EPB41L4B: variants seen among roughly 807,000 people sequenced by gnomAD.
The protein encoded by EPB41L4B is erythrocyte membrane protein band 4.1 like 4B.
Under a neutral mutation model 112.5 loss-of-function variants are expected in EPB41L4B, and 30 were observed. The ratio of observed to expected loss-of-function variants is 0.27; its 90% CI spans 0.20 to 0.36. The LOEUF (loss-of-function observed/expected upper bound fraction) is 0.36, where lower values mean the gene tolerates loss of function less well. EPB41L4B is among the 10% of genes least tolerant of loss of function. The pLI, the probability that EPB41L4B is intolerant of heterozygous loss-of-function variation, is 1.00. For missense variants in EPB41L4B, 1,024 were observed against 1,133.3 expected, an observed-to-expected ratio of 0.90 and a Z score of 1.38; for synonymous variants, 408 against 439.7, an observed-to-expected ratio of 0.93 and a Z score of 0.90.
At position 109,241,651 on chromosome 9, in the gene EPB41L4B, G is replaced by A. The variant is rs977136400; in HGVS notation, c.1409+1967C>T. The A allele has an allele frequency of 2.0e-5, 33 of 1,613,730 alleles. No homozygotes were observed. In the East Asian group the frequency reaches 7.4e-4, roughly 36 times the overall value. On this transcript the variant is annotated intron_variant, in intron 15 of 25. Transcript: ENST00000374566. ...CTATGAAGGTGAATGGAAGAGAGAT[G>A]CTTCAGTCTCTCAAAGTGCAGTCAT...
intron 6 of EPB41L4B, among the ~76,000 whole-genome samples, chr9:109,259,370 TGGAA>T (rs1323611832): frequency 6.6e-6 from 1 of 152,234 alleles, no homozygotes; most frequent in Non-Finnish European, 1.5e-5. Context: ...TCCCTAGGTC[TGGAA>T]CCCGGCCTAA....
intron 22 of EPB41L4B, among the ~76,000 whole-genome samples, chr9:109,187,660 C>T (rs1832317790): frequency 6.6e-6 from 1 of 152,164 alleles, no homozygotes; most frequent in Non-Finnish European, 1.5e-5. Flanking sequence ...GGACCCAGGC[C>T]ACTGGGTCTT....
chr9:109,295,596 C>A (rs1430381318), intron 1 of EPB41L4B, among the ~76,000 whole-genome samples: 2 of 152,112 alleles, frequency 1.3e-5, no homozygotes, highest in Non-Finnish European at 2.9e-5. Flanking sequence ...GCAGTCACTG[C>A]AAAACCAGAA....
chr9:109,255,025 A>G (rs1834927121), intron 11 of EPB41L4B, among the ~76,000 whole-genome samples: 1 of 152,140 alleles, frequency 6.6e-6, no homozygotes, highest in South Asian at 2.1e-4. Flanking sequence ...TGGTTTCCTT[A>G]TCTGTAAAAT....
chr9:109,244,468 C>CTTT (rs1564289998), intron 14 of EPB41L4B, among the ~76,000 whole-genome samples: 9 of 94,342 alleles, frequency 9.5e-5, no homozygotes, highest in Non-Finnish European at 1.8e-4. Flanking sequence ...TTTTTTTTTA[C>CTTT]AGAGTCTCAC....
At chr9:109,228,692 C>T (rs2118896790) in intron 15 of EPB41L4B, among the ~76,000 whole-genome samples, 1 of 152,328 alleles carries the variant, frequency 6.6e-6, no homozygotes, top group Non-Finnish European at 1.5e-5. Context: ...GTCTCACATA[C>T]CATCCTCAAA....
At chr9:109,318,708 C>T (rs1315812336) in intron 1 of EPB41L4B, among the ~76,000 whole-genome samples, 1 of 152,140 alleles carries the variant, frequency 6.6e-6, no homozygotes, top group Non-Finnish European at 1.5e-5. Context: ...TGTTGGGGAA[C>T]AGTAACATTT....
rs570800268 is a variant in EPB41L4B at position 109,258,173 on chromosome 9, G to A, written c.752+4C>T. ...CAGAATGCTAGACGGTTGCATCAAG[G>A]TACCTGCACTCTTTCCATCTCTGGA... On this transcript the variant is annotated splice_donor_region_variant and intron_variant, in intron 7 of 25. Transcript: ENST00000374566. The A allele has an allele frequency of 3.7e-6, 6 of 1,612,040 alleles. No homozygotes were observed. In the Admixed American group the frequency reaches 5.0e-5, roughly 13 times the overall value.
intron 20 of EPB41L4B, among the ~76,000 whole-genome samples, chr9:109,195,937 A>C (rs554043934): frequency 1.1e-3 from 164 of 152,294 alleles, no homozygotes; most frequent in Admixed American, 2.2e-3. Context: ...TTTCTAAGGT[A>C]AATTCATGAT....
intron 6 of EPB41L4B, among the ~76,000 whole-genome samples, chr9:109,260,436 A>G (rs1308863749): frequency 4.1e-5 from 5 of 122,548 alleles, no homozygotes; most frequent in Non-Finnish European, 6.5e-5. Flanking sequence ...TTTTTTTGAG[A>G]CAGAGTCTCG....
At chr9:109,227,212 A>C (rs1415008682) in intron 15 of EPB41L4B, among the ~76,000 whole-genome samples, 2 of 152,108 alleles carry the variant, frequency 1.3e-5, no homozygotes, top group Non-Finnish European at 2.9e-5. Context: ...TAATATATAC[A>C]TGCATATGTG....
At chr9:109,204,769 T>C (rs1046002995) in intron 18 of EPB41L4B, among the ~76,000 whole-genome samples, 3 of 152,196 alleles carry the variant, frequency 2.0e-5, no homozygotes, top group African/African-American at 7.2e-5. Flanking sequence ...AATTCTGGGA[T>C]TACAGGCATG....
At chr9:109,216,667 A>T (rs1833381427) in intron 16 of EPB41L4B, among the ~76,000 whole-genome samples, 1 of 151,698 alleles carries the variant, frequency 6.6e-6, no homozygotes, top group Non-Finnish European at 1.5e-5. Flanking sequence ...AAAAAAGAAA[A>T]GAAAAAAAGA....
intron 1 of EPB41L4B, among the ~76,000 whole-genome samples, chr9:109,292,980 C>T (rs191401172): frequency 2.7e-4 from 41 of 152,312 alleles, no homozygotes; most frequent in African/African-American, 9.9e-4. Context: ...CAATCCCTTC[C>T]AAGGTACCAG....
At chr9:109,315,888 C>T (rs1336791545) in intron 1 of EPB41L4B, among the ~76,000 whole-genome samples, 2 of 152,048 alleles carry the variant, frequency 1.3e-5, no homozygotes, top group African/African-American at 4.8e-5. Context: ...TTCCAATTTC[C>T]ACTAAAGAAG....
At chr9:109,307,465 T>G (rs1468313949) in intron 1 of EPB41L4B, among the ~76,000 whole-genome samples, 1 of 152,196 alleles carries the variant, frequency 6.6e-6, no homozygotes. Flanking sequence ...CTGCTGGCTG[T>G]GTGCATGACC....
intron 15 of EPB41L4B, among the ~76,000 whole-genome samples, chr9:109,220,892 C>T (rs980616548): frequency 1.3e-5 from 2 of 152,180 alleles, no homozygotes; most frequent in African/African-American, 4.8e-5. Context: ...AGAGTATCCA[C>T]CCTCTTCATG....
At chr9:109,308,087 C>T (rs935158085) in intron 1 of EPB41L4B, among the ~76,000 whole-genome samples, 33 of 152,272 alleles carry the variant, frequency 2.2e-4, no homozygotes, top group African/African-American at 6.5e-4. Context: ...GTCCCACACT[C>T]GGCCCAATTC....
In EPB41L4B at chr9:109,185,042, T is replaced by C. The variant is rs575516627; in HGVS notation, c.2418+447A>G. Among the ~76,000 whole-genome samples the C allele has an allele frequency of 2.0e-5, 3 of 152,316 alleles. No individual in the cohort carries two copies. The South Asian group carries it at 6.2e-4, about 32-fold the overall frequency. On this transcript the variant is annotated intron_variant, in intron 23 of 25. Transcript: ENST00000374566. ...GGAAATATGTAAAAATGACAAAAAA[T>C]CATGCTAAATTGGGATGACAGGTAA...
Sources: allele counts gnomAD v4.1 joint callset (sites outside exome capture counted in the v4.1 genomes callset), GRCh38; gene constraint gnomAD v4.1.1; transcripts MANE v1.5; gene names NCBI Gene and HGNC (gene_info 2026-07-23, HGNC 2026-07-21).